The following ALK variants were observed in gnomAD, a reference collection of about 807,000 sequenced individuals.
ALK encodes ALK receptor tyrosine kinase, also known as ALK tyrosine kinase receptor.
ALK carries 74 observed loss-of-function variants against 163.1 expected under a neutral mutation model. That is an observed-to-expected ratio of 0.45 (90% CI 0.38 to 0.55). The LOEUF (loss-of-function observed/expected upper bound fraction) is 0.55. ALK is among the 20% of genes least tolerant of loss of function. ALK has a pLI of 0.00. For synonymous variants in ALK, 960 were observed against 843.2 expected, an observed-to-expected ratio of 1.14 and a Z score of -2.40; for missense variants, 2,063 against 2,105.3, an observed-to-expected ratio of 0.98 and a Z score of 0.39.
At chr2:29,871,573 G>T (rs573013067) in intron 1 of ALK, among the ~76,000 whole-genome samples, 1 of 152,274 alleles carries the variant, frequency 6.6e-6, no homozygotes, top group South Asian at 2.1e-4. Flanking sequence ...TCTGATTCTA[G>T]AATCCACTCT....
chr2:29,389,348 T>C (rs1440660107), intron 4 of ALK, among the ~76,000 whole-genome samples: 1 of 152,110 alleles, frequency 6.6e-6, no homozygotes, highest in East Asian at 1.9e-4. Flanking sequence ...GGACGGGTTG[T>C]GAAGAGGGGT....
intron 4 of ALK, among the ~76,000 whole-genome samples, chr2:29,427,146 G>A (rs745849901): frequency 1.4e-3 from 26 of 19,254 alleles, no homozygotes; most frequent in South Asian, 4.7e-3. Flanking sequence ...GATAATAACC[G>A]CACAAAGGAT....
chr2:29,608,403 G>C (rs914972298), intron 3 of ALK, among the ~76,000 whole-genome samples: 1 of 152,178 alleles, frequency 6.6e-6, no homozygotes, highest in East Asian at 1.9e-4. Flanking sequence ...GATGAACAGA[G>C]GTGTGAGTTG....
intron 3 of ALK, among the ~76,000 whole-genome samples, chr2:29,581,781 T>C (rs1674699866): frequency 6.6e-6 from 1 of 152,196 alleles, no homozygotes; most frequent in Non-Finnish European, 1.5e-5. Flanking sequence ...TCTTCTTACT[T>C]CTTTCTTTCC....
At chr2:29,729,844 G>A (rs1679686056) in intron 1 of ALK, among the ~76,000 whole-genome samples, 1 of 152,198 alleles carries the variant, frequency 6.6e-6, no homozygotes, top group Non-Finnish European at 1.5e-5. Context: ...AAGATCTAAA[G>A]GAGAAAATAA....
intron 3 of ALK, among the ~76,000 whole-genome samples, chr2:29,605,494 G>T (rs1675518327): frequency 6.6e-6 from 1 of 152,206 alleles, no homozygotes; most frequent in Non-Finnish European, 1.5e-5. Context: ...AGCATTTGGA[G>T]GCGGGGCCTT....
At chr2:29,846,488 G>C (rs945580179) in intron 1 of ALK, among the ~76,000 whole-genome samples, 1 of 152,156 alleles carries the variant, frequency 6.6e-6, no homozygotes, top group Non-Finnish European at 1.5e-5. Flanking sequence ...TCCTTGTCTA[G>C]AGCCTGGCAC....
intron 2 of ALK, among the ~76,000 whole-genome samples, chr2:29,710,718 G>T (rs986290853): frequency 2.0e-5 from 3 of 152,142 alleles, no homozygotes; most frequent in African/African-American, 7.2e-5. Context: ...CACCATGTTA[G>T]CCAGGCTGGT....
chr2:29,651,589 TGA>T (rs1677036848), intron 3 of ALK, among the ~76,000 whole-genome samples: 2 of 152,204 alleles, frequency 1.3e-5, no homozygotes, highest in Admixed American at 1.3e-4. Flanking sequence ...TTCCAAACTC[TGA>T]GAGTCACCCA....
Position 29,531,998 on chromosome 2 carries a change from G to A in ALK, c.1071C>T (p.Pro357=), listed in dbSNP as rs770056506. ...GCAGCTGGGCAATGTACCTTCCAGA[G>A]GGCTGCAGGTGCCTGTGCACCGAGA... The part of the protein sequence containing the change: ...LAVSVHRHLQ[P]SGRYIAQLLP... The change falls in exon 4 of 29, where the codon CCC becomes CCT. Residue 357 remains proline (P), a synonymous_variant. Coordinates refer to ENST00000389048, the MANE Select transcript of ALK (RefSeq NM_004304.5). The A allele has an allele frequency of 3.1e-6, 5 of 1,614,072 alleles. No individual in the cohort carries two copies. Among genetic ancestry groups the A allele is most frequent in the South Asian group, 2.2e-5 (2 of 91,088 alleles).
rs61754933 is a variant in ALK at position 29,239,692 on chromosome 2, G to A, written c.2343C>T (p.Asp781=). ...LYILVGQQGE[D]ACPSTNQLIQ... is the part of the protein sequence containing the mutation. ...TCTGGGCACTTACACTGGGGCAGGC[G>A]TCCTCTCCCTGCTGCCCAACCAGGA... Residue 781 remains aspartate, a synonymous_variant, in exon 13 of 29, where the codon GAC becomes GAT. Transcript: ENST00000389048. 9.8e-5 allele frequency: 158 copies of A among 1,613,890 alleles called. No individual in the cohort carries two copies. In the African/African-American group the frequency reaches 1.5e-3, roughly 15 times the overall value.
chr2:29,833,948 C>A (rs1163415769), intron 1 of ALK, among the ~76,000 whole-genome samples: 1 of 152,216 alleles, frequency 6.6e-6, no homozygotes, highest in African/African-American at 2.4e-5. Flanking sequence ...CTGCACTCCT[C>A]AGCCCAACCC....
At chr2:29,398,926 T>C (rs1242310970) in intron 4 of ALK, among the ~76,000 whole-genome samples, 1 of 152,150 alleles carries the variant, frequency 6.6e-6, no homozygotes, top group Non-Finnish European at 1.5e-5. Context: ...TAATGGACAC[T>C]CAGGCTCTTC....
chr2:29,916,336 T>G (rs1383431664), intron 1 of ALK, among the ~76,000 whole-genome samples: 1 of 152,252 alleles, frequency 6.6e-6, no homozygotes, highest in African/African-American at 2.4e-5. Flanking sequence ...CTTCAGAGAT[T>G]TGTAGATTGT....
At chr2:29,353,618 G>A (rs1668171251) in intron 5 of ALK, among the ~76,000 whole-genome samples, 1 of 152,132 alleles carries the variant, frequency 6.6e-6, no homozygotes, top group African/African-American at 2.4e-5. Flanking sequence ...CCAGGGAGAG[G>A]TGTTTTGTTC....
intron 5 of ALK, among the ~76,000 whole-genome samples, chr2:29,377,179 G>A (rs1668772724): frequency 6.6e-6 from 1 of 152,096 alleles, no homozygotes; most frequent in Non-Finnish European, 1.5e-5. Context: ...AAAAACTGGA[G>A]TTAATAGGAG....
intron 4 of ALK, among the ~76,000 whole-genome samples, chr2:29,391,853 C>A (rs555616264): frequency 1.3e-5 from 2 of 152,286 alleles, no homozygotes; most frequent in Non-Finnish European, 2.9e-5. Flanking sequence ...TCACTTCTGC[C>A]TTTTATTGGC....
chr2:29,350,186 C>T (rs973123421), intron 5 of ALK, among the ~76,000 whole-genome samples: 1 of 152,208 alleles, frequency 6.6e-6, no homozygotes, highest in East Asian at 1.9e-4. Flanking sequence ...TAGAACTATC[C>T]TGATACATAA....
intron 9 of ALK, among the ~76,000 whole-genome samples, chr2:29,287,217 A>G (rs1002974410): frequency 6.6e-6 from 1 of 152,170 alleles, no homozygotes; most frequent in African/African-American, 2.4e-5. Flanking sequence ...CTTATTTCTC[A>G]CTGCTTGAAT....
Sources: gnomAD v4.1 joint callset for allele counts (sites outside exome capture counted in the v4.1 genomes callset) on GRCh38, gnomAD v4.1.1 for gene constraint, MANE v1.5 for transcripts, NCBI Gene and HGNC (gene_info 2026-07-23, HGNC 2026-07-21) for gene names.